Variants in NOX4 observed in about 807,000 individuals in gnomAD.
The protein encoded by NOX4 is kidney oxidase-1.
Under a neutral mutation model 87.6 loss-of-function variants are expected in NOX4, and 69 were observed. That is an observed-to-expected ratio of 0.79 (90% confidence interval 0.65 to 0.96). The LOEUF (loss-of-function observed/expected upper bound fraction) is 0.96. NOX4 is among the 40% of genes least tolerant of loss of function. The probability of loss-of-function intolerance (pLI) is 0.00; values close to 1 mark genes in which losing one functional copy is unlikely to be tolerated. For missense variants in NOX4, 680 were observed against 681.5 expected, an observed-to-expected ratio of 1.00 and a Z score of 0.02; for synonymous variants, 275 against 238.2, an observed-to-expected ratio of 1.15 and a Z score of -1.42.
intron 12 of NOX4, among the ~76,000 whole-genome samples, chr11:89,370,895 A>C (rs1246985431): frequency 6.6e-6 from 1 of 151,990 alleles, no homozygotes; most frequent in Non-Finnish European, 1.5e-5. Flanking sequence ...TGGAGAGATC[A>C]TTTCTGGAGC....
chr11:89,555,182 TA>T, the NOX4 span, among the ~76,000 whole-genome samples: 2,307 of 150,064 alleles, frequency 0.015, 52 homozygotes, highest in African/African-American at 0.049. Flanking sequence ...CCAGAGTTGT[TA>T]AAAAAAAAAT....
chr11:89,478,862 T>C (rs1284085826), intron 2 of NOX4, among the ~76,000 whole-genome samples: 1 of 151,920 alleles, frequency 6.6e-6, no homozygotes, highest in Non-Finnish European at 1.5e-5. Context: ...CAGTGATGGG[T>C]TCTACACAGT....
At chr11:89,491,008 A>T (rs1488763532) in intron 1 of NOX4, 182 bp downstream of exon 1, 1 of 724,486 alleles carries the variant, frequency 1.4e-6, no homozygotes, top group Admixed American at 2.1e-5. Flanking sequence ...TTTGGGGGAC[A>T]GGCGAGGGGG....
chr11:89,410,449 T>C (rs913063174), intron 8 of NOX4, among the ~76,000 whole-genome samples: 2 of 152,202 alleles, frequency 1.3e-5, no homozygotes, highest in African/African-American at 4.8e-5. Context: ...GTGAGTGATA[T>C]GTGAAAGGGA....
At chr11:89,389,785 A>T (rs1448076943) in intron 11 of NOX4, among the ~76,000 whole-genome samples, 1 of 152,110 alleles carries the variant, frequency 6.6e-6, no homozygotes, top group Non-Finnish European at 1.5e-5. Flanking sequence ...AGTTAATAAC[A>T]TGCCTTCAGC....
At chr11:89,585,488 T>C in the NOX4 span, among the ~76,000 whole-genome samples, 6 of 152,182 alleles carry the variant, frequency 3.9e-5, no homozygotes, top group African/African-American at 1.4e-4. Context: ...AAAGGCCACA[T>C]AGTAAATATT....
intron 15 of NOX4, among the ~76,000 whole-genome samples, chr11:89,338,071 T>G (rs781033552): frequency 2.0e-5 from 3 of 152,020 alleles, no homozygotes; most frequent in Non-Finnish European, 4.4e-5. Flanking sequence ...GAAAAAAATA[T>G]GGAACAACAA....
At chr11:89,515,758 A>G in the NOX4 span, among the ~76,000 whole-genome samples, 4 of 151,920 alleles carry the variant, frequency 2.6e-5, no homozygotes, top group African/African-American at 9.7e-5. Context: ...ATAGATATTC[A>G]TTTTCTTCCA....
At chr11:89,589,208 C>T in the NOX4 span, among the ~76,000 whole-genome samples, 1 of 152,116 alleles carries the variant, frequency 6.6e-6, no homozygotes, top group Non-Finnish European at 1.5e-5. Context: ...GAGCATTTTG[C>T]TTTGATCTTT....
At chr11:89,395,405 T>C (rs1258266537) in intron 11 of NOX4, among the ~76,000 whole-genome samples, 3 of 152,124 alleles carry the variant, frequency 2.0e-5, no homozygotes, top group Non-Finnish European at 2.9e-5. Flanking sequence ...GGATATTAGC[T>C]CTTTGCCAGA....
At chr11:89,357,134 G>C (rs1420435415) in intron 12 of NOX4, among the ~76,000 whole-genome samples, 2 of 152,142 alleles carry the variant, frequency 1.3e-5, no homozygotes, top group Non-Finnish European at 2.9e-5. Context: ...AGTGGCCAGT[G>C]CTTCCTGAGA....
chr11:89,554,752 G>A, the NOX4 span, among the ~76,000 whole-genome samples: 57 of 152,110 alleles, frequency 3.7e-4, no homozygotes, highest in Admixed American at 8.5e-4. Flanking sequence ...GCAATCGGTA[G>A]AAAGGCTTTT....
At chr11:89,508,477 T>G in the NOX4 span, among the ~76,000 whole-genome samples, 5 of 152,110 alleles carry the variant, frequency 3.3e-5, no homozygotes, top group South Asian at 4.1e-4. Flanking sequence ...ATAAAGACAG[T>G]TATATCTTTA....
intron 12 of NOX4, among the ~76,000 whole-genome samples, chr11:89,366,215 A>G (rs1938971618): frequency 6.6e-6 from 1 of 152,062 alleles, no homozygotes; most frequent in South Asian, 2.1e-4. Flanking sequence ...CTTCCATGTT[A>G]CATAGTAAAA....
intron 17 of NOX4, among the ~76,000 whole-genome samples, chr11:89,330,000 T>C (rs967539161): frequency 6.6e-6 from 1 of 152,048 alleles, no homozygotes; most frequent in Admixed American, 6.6e-5. Context: ...TTTGTCTAAT[T>C]TCTAATATTT....
At chr11:89,449,158 G>T (rs549695172) in intron 4 of NOX4, among the ~76,000 whole-genome samples, 2 of 152,266 alleles carry the variant, frequency 1.3e-5, no homozygotes, top group East Asian at 1.9e-4. Context: ...ATCCTAAGTT[G>T]CTGACAGCAG....
At chr11:89,428,444 C>A (rs974154097) in intron 7 of NOX4, among the ~76,000 whole-genome samples, 4 of 150,922 alleles carry the variant, frequency 2.7e-5, no homozygotes, top group African/African-American at 9.8e-5. Context: ...GAGTCAAGAC[C>A]CATCAGTGTG....
the NOX4 span, among the ~76,000 whole-genome samples, chr11:89,517,812 T>G: frequency 6.6e-6 from 1 of 152,054 alleles, no homozygotes; most frequent in Non-Finnish European, 1.5e-5. Flanking sequence ...ATAAGGATTA[T>G]GTTGATCTTG....
In NOX4 at chr11:89,405,965, T is replaced by C. The variant is rs1366403762; in HGVS notation, c.630-3423A>G. ...GGACAATCTTTAAATTGAAGACCAA[T>C]GTATACATTGAGCAAAATTTGATGG... On this transcript the variant is annotated intron_variant, in intron 8 of 17. Transcript: ENST00000263317. 4.6e-5 allele frequency among the ~76,000 whole-genome samples: 7 copies of C among 152,156 alleles called. No individual in the cohort carries two copies. The South Asian group carries it at 1.5e-3, about 32-fold the overall frequency.
Sources: gnomAD v4.1 joint callset for allele counts (sites outside exome capture counted in the v4.1 genomes callset) on GRCh38, gnomAD v4.1.1 for gene constraint, MANE v1.5 for transcripts, NCBI Gene and HGNC (gene_info 2026-07-23, HGNC 2026-07-21) for gene names.